Variants in MBD5 observed in about 807,000 individuals in gnomAD.
The protein encoded by MBD5 is methyl-CpG binding domain protein 5.
In MBD5, 13 loss-of-function variants were observed where a neutral mutation model predicts 117.3. That is an observed-to-expected ratio of 0.11 (90% CI 0.07 to 0.18). The LOEUF (loss-of-function observed/expected upper bound fraction) is 0.18, where lower values mean the gene tolerates loss of function less well. MBD5 is among the 10% of genes least tolerant of loss of function. MBD5 has a pLI of 1.00. For synonymous variants in MBD5, 727 were observed against 766.4 expected, an observed-to-expected ratio of 0.95 and a Z score of 0.85; for missense variants, 1,879 against 2,093.8, an observed-to-expected ratio of 0.90 and a Z score of 2.00.
intron 3 of MBD5, among the ~76,000 whole-genome samples, chr2:148,338,555 C>T (rs1702855383): frequency 6.6e-6 from 1 of 152,146 alleles, no homozygotes; most frequent in African/African-American, 2.4e-5. Context: ...CCTGTCCTCT[C>T]TCAAAGATTC....
intron 3 of MBD5, among the ~76,000 whole-genome samples, chr2:148,292,589 A>G (rs191418623): frequency 6.6e-6 from 1 of 152,200 alleles, no homozygotes; most frequent in African/African-American, 2.4e-5. Context: ...TAGGATGTGG[A>G]AAAAAGGGAA....
intron 3 of MBD5, among the ~76,000 whole-genome samples, chr2:148,236,152 C>G (rs1700087397): frequency 6.6e-6 from 1 of 152,150 alleles, no homozygotes; most frequent in Non-Finnish European, 1.5e-5. Flanking sequence ...AACATCCAGG[C>G]AAGACCCTTT....
chr2:148,510,596 T>TA (rs1463462867), intron 13 of MBD5, among the ~76,000 whole-genome samples: 14 of 152,256 alleles, frequency 9.2e-5, no homozygotes, highest in African/African-American at 3.1e-4. Context: ...GTGAGAAGTT[T>TA]AATCGTTATG....
intron 1 of MBD5, among the ~76,000 whole-genome samples, chr2:148,048,224 T>G (rs1694587255): frequency 6.6e-6 from 1 of 152,202 alleles, no homozygotes; most frequent in African/African-American, 2.4e-5. Flanking sequence ...GCATACAAAG[T>G]TGTTGACACA....
At chr2:148,167,732 A>G (rs987506450) in intron 1 of MBD5, among the ~76,000 whole-genome samples, 4 of 152,120 alleles carry the variant, frequency 2.6e-5, no homozygotes, top group Non-Finnish European at 5.9e-5. Context: ...TCCTCTTCCC[A>G]CTTCAGAATC....
At chr2:148,188,682 CAAAAA>C (rs34805724) in intron 2 of MBD5, among the ~76,000 whole-genome samples, 8 of 104,748 alleles carry the variant, frequency 7.6e-5, no homozygotes, top group Admixed American at 1.9e-4. Flanking sequence ...GACCCTGTCT[CAAAAA>C]AAAAAAAAAA....
At chr2:148,055,260 T>G (rs960891996) in intron 1 of MBD5, 4 of 152,040 alleles carry the variant, frequency 2.6e-5, no homozygotes, top group African/African-American at 7.2e-5. Flanking sequence ...TAGAATTCTT[T>G]TTTGTCTGTT....
At chr2:148,048,298 T>G (rs1694590356) in intron 1 of MBD5, among the ~76,000 whole-genome samples, 1 of 152,186 alleles carries the variant, frequency 6.6e-6, no homozygotes, top group Non-Finnish European at 1.5e-5. Context: ...CTGATAGGCC[T>G]TTTTTGGTTT....
At chr2:148,108,539 A>G (rs1696428110) in intron 1 of MBD5, among the ~76,000 whole-genome samples, 1 of 151,614 alleles carries the variant, frequency 6.6e-6, no homozygotes, top group Admixed American at 6.6e-5. Flanking sequence ...GCAAGAAAAA[A>G]AGAAAAAAAA....
At chr2:148,135,858 C>A (rs1341406625) in intron 1 of MBD5, among the ~76,000 whole-genome samples, 1 of 152,162 alleles carries the variant, frequency 6.6e-6, no homozygotes, top group South Asian at 2.1e-4. Flanking sequence ...CCTAGGACCA[C>A]ATATGTGGGC....
At chr2:148,253,188 C>A (rs542610248) in intron 3 of MBD5, among the ~76,000 whole-genome samples, 3 of 152,218 alleles carry the variant, frequency 2.0e-5, no homozygotes, top group African/African-American at 7.2e-5. Flanking sequence ...GATTGTAACA[C>A]CATCATCTTC....
At chr2:148,122,774 G>A (rs1696799595) in intron 1 of MBD5, among the ~76,000 whole-genome samples, 3 of 152,144 alleles carry the variant, frequency 2.0e-5, no homozygotes, top group Non-Finnish European at 1.5e-5. Context: ...GTGAATAAGC[G>A]AATAATTATG....
chr2:148,094,267 TAA>T (rs1696009062), intron 1 of MBD5, among the ~76,000 whole-genome samples: 1 of 152,190 alleles, frequency 6.6e-6, no homozygotes, highest in South Asian at 2.1e-4. Flanking sequence ...GGCAGTATTT[TAA>T]AGTGTGGTGT....
At chr2:148,247,257 A>G (rs77036566) in intron 3 of MBD5, among the ~76,000 whole-genome samples, 1 of 152,150 alleles carries the variant, frequency 6.6e-6, no homozygotes, top group East Asian at 1.9e-4. Flanking sequence ...TGCAGACTGT[A>G]TGACTTATCT....
chr2:148,225,177 T>C (rs1303105552), intron 2 of MBD5, among the ~76,000 whole-genome samples: 4 of 152,206 alleles, frequency 2.6e-5, no homozygotes, highest in Non-Finnish European at 4.4e-5. Context: ...GGTGATTTTC[T>C]TGGGTCTTGC....
At chr2:148,093,841 A>G (rs1358402063) in intron 1 of MBD5, among the ~76,000 whole-genome samples, 1 of 152,212 alleles carries the variant, frequency 6.6e-6, no homozygotes, top group African/African-American at 2.4e-5. Context: ...TTGTTTTGAG[A>G]TGACGAATCT....
intron 3 of MBD5, among the ~76,000 whole-genome samples, chr2:148,340,134 T>G (rs920310227): frequency 2.0e-5 from 3 of 152,140 alleles, no homozygotes; most frequent in Non-Finnish European, 4.4e-5. Context: ...CTAACAAACT[T>G]TAGTCCTTAG....
At chr2:148,308,920 C>G (rs975911250) in intron 3 of MBD5, among the ~76,000 whole-genome samples, 1 of 152,100 alleles carries the variant, frequency 6.6e-6, no homozygotes, top group African/African-American at 2.4e-5. Context: ...AATCCTTTCC[C>G]CATTGCTTGT....
chr2:148,414,890 C>A (rs181348230), intron 4 of MBD5, among the ~76,000 whole-genome samples: 21 of 152,234 alleles, frequency 1.4e-4, no homozygotes, highest in East Asian at 1.2e-3. Flanking sequence ...AGACAGCATA[C>A]TTCTGGGTCT....
Sources: gnomAD v4.1 joint callset for allele counts (sites outside exome capture counted in the v4.1 genomes callset) on GRCh38, gnomAD v4.1.1 for gene constraint, MANE v1.5 for transcripts, NCBI Gene and HGNC (gene_info 2026-07-23, HGNC 2026-07-21) for gene names.